Variants in LOC400499 observed in about 807,000 individuals in gnomAD.
chr16:11,462,051 C>T, the LOC400499 span: 3 of 1,341,414 alleles, frequency 2.2e-6, no homozygotes, highest in Non-Finnish European at 1.9e-6. Context: ...CATAAGGAGG[C>T]ACTTGGGCCA....
chr16:11,427,547 C>T, the LOC400499 span, among the ~76,000 whole-genome samples: 1 of 151,896 alleles, frequency 6.6e-6, no homozygotes, highest in South Asian at 2.1e-4. Context: ...CAGGCTCAAG[C>T]GATCCTCCCA....
the LOC400499 span, among the ~76,000 whole-genome samples, chr16:11,384,505 G>C: frequency 6.6e-5 from 10 of 152,294 alleles, no homozygotes; most frequent in East Asian, 1.9e-3. Context: ...ACCCTCATCA[G>C]AGGAGGAAGA....
the LOC400499 span, among the ~76,000 whole-genome samples, chr16:11,439,144 C>T: frequency 9.2e-5 from 14 of 152,108 alleles, no homozygotes; most frequent in Non-Finnish European, 1.9e-4. Flanking sequence ...CAAAATGCCC[C>T]GGGTCAACAA....
chr16:11,435,943 C>G, the LOC400499 span: 2 of 398,724 alleles, frequency 5.0e-6, no homozygotes, highest in Non-Finnish European at 8.8e-6. Flanking sequence ...GGAGGGCTGC[C>G]TCCTTCTCCA....
At chr16:11,453,183 G>C in the LOC400499 span, among the ~76,000 whole-genome samples, 1 of 152,126 alleles carries the variant, frequency 6.6e-6, no homozygotes, top group Non-Finnish European at 1.5e-5. Flanking sequence ...TCTCTTACTC[G>C]AAGTTTCATA....
chr16:11,450,838 G>T, the LOC400499 span: 26 of 1,521,170 alleles, frequency 1.7e-5, no homozygotes, highest in Non-Finnish European at 2.3e-5. Flanking sequence ...CAACAAAGAA[G>T]GAGAATCTGG....
the LOC400499 span, among the ~76,000 whole-genome samples, chr16:11,440,016 G>A: frequency 4.6e-5 from 7 of 152,096 alleles, no homozygotes; most frequent in South Asian, 6.2e-4. Context: ...GTAATTCACC[G>A]AAGGTTACAC....
chr16:11,500,305 C>T, the LOC400499 span, among the ~76,000 whole-genome samples: 944 of 151,954 alleles, frequency 6.2e-3, 10 homozygotes, highest in African/African-American at 0.022. Flanking sequence ...GTCAGGAGTT[C>T]GAGACCAGCC....
the LOC400499 span, among the ~76,000 whole-genome samples, chr16:11,413,665 C>T: frequency 2.0e-5 from 3 of 152,208 alleles, no homozygotes; most frequent in East Asian, 1.9e-4. Context: ...CACACTCTCA[C>T]GTGTGACCCA....
the LOC400499 span, chr16:11,401,942 G>C: frequency 5.0e-6 from 2 of 398,528 alleles, no homozygotes; most frequent in African/African-American, 4.1e-5. Flanking sequence ...CCCAGATAAG[G>C]CTCCTCAGGC....
chr16:11,383,234 T>A, the LOC400499 span, among the ~76,000 whole-genome samples: 2 of 145,322 alleles, frequency 1.4e-5, no homozygotes, highest in African/African-American at 5.4e-5. Context: ...CCCGGCTAAT[T>A]TTTTTTGTAT....
the LOC400499 span, among the ~76,000 whole-genome samples, chr16:11,476,444 C>T: frequency 6.6e-6 from 1 of 152,068 alleles, no homozygotes. Context: ...TCACAGTCAA[C>T]AGACACACAT....
At chr16:11,463,665 G>C in the LOC400499 span, among the ~76,000 whole-genome samples, 1 of 152,126 alleles carries the variant, frequency 6.6e-6, no homozygotes, top group Non-Finnish European at 1.5e-5. Flanking sequence ...ATATGGATGT[G>C]TATGGATGTG....
chr16:11,463,459 T>A, the LOC400499 span, among the ~76,000 whole-genome samples: 2 of 142,138 alleles, frequency 1.4e-5, no homozygotes, highest in East Asian at 3.9e-4. Flanking sequence ...GGGGTGTGTG[T>A]ATACAGACGT....
the LOC400499 span, among the ~76,000 whole-genome samples, chr16:11,429,941 A>G: frequency 1.3e-5 from 2 of 152,230 alleles, no homozygotes; most frequent in Non-Finnish European, 2.9e-5. Flanking sequence ...ATCTCACCCC[A>G]GTTACTTATT....
the LOC400499 span, among the ~76,000 whole-genome samples, chr16:11,411,560 C>A: frequency 1.3e-5 from 2 of 152,210 alleles, no homozygotes; most frequent in African/African-American, 4.8e-5. Context: ...CTGGCTTGGC[C>A]TCTGCCTAGC....
the LOC400499 span, among the ~76,000 whole-genome samples, chr16:11,381,528 T>G: frequency 2.6e-5 from 4 of 152,248 alleles, no homozygotes; most frequent in East Asian, 7.7e-4. Context: ...CTTAATAGAG[T>G]CTTTCAGACA....
chr16:11,433,845 T>C, the LOC400499 span, among the ~76,000 whole-genome samples: 2 of 152,252 alleles, frequency 1.3e-5, no homozygotes, highest in African/African-American at 2.4e-5. Context: ...CCAGCATCCC[T>C]TGCCCTATAC....
the LOC400499 span, chr16:11,392,176 G>A: frequency 4.0e-5 from 16 of 399,214 alleles, no homozygotes; most frequent in Admixed American, 2.6e-4. Flanking sequence ...CCAGCAGCAG[G>A]TGTGGGCCTC....
Sources: gnomAD v4.1 joint callset for allele counts (sites outside exome capture counted in the v4.1 genomes callset) on GRCh38, gnomAD v4.1.1 for gene constraint, MANE v1.5 for transcripts.